The following FARS2 variants were observed in gnomAD, a reference collection of about 807,000 sequenced individuals.
FARS2 encodes phenylalanyl-tRNA synthetase 2, mitochondrial.
A neutral mutation model predicts 46.4 loss-of-function variants in FARS2; 40 were observed. The ratio of observed to expected loss-of-function variants is 0.86; its 90% CI spans 0.67 to 1.12. The LOEUF (loss-of-function observed/expected upper bound fraction) is 1.12, where lower values mean the gene tolerates loss of function less well. Among genes scored for constraint, FARS2 ranks in the 50% most tolerant of loss-of-function variants. The pLI is 0.00. For synonymous variants in FARS2, 234 were observed against 214.9 expected (o/e 1.09, Z -0.78); for missense variants, 513 against 567.9 (o/e 0.90, Z 0.98).
chr6:5,633,360 C>T (rs527792161), intron 6 of FARS2, among the ~76,000 whole-genome samples: 1 of 148,708 alleles, frequency 6.7e-6, no homozygotes, highest in Non-Finnish European at 1.5e-5. Context: ...ACTGCAACCT[C>T]CGCTTCCTGG....
At chr6:5,545,480 T>C (rs1047619966) in intron 5 of FARS2, 140 bp downstream of exon 5, 40 of 654,976 alleles carry the variant, frequency 6.1e-5, no homozygotes, top group Non-Finnish European at 9.0e-5. Context: ...CTGGGATACA[T>C]GTGCAGAACG....
chr6:5,298,900 G>A (rs1581723444), intron 1 of FARS2, among the ~76,000 whole-genome samples: 2 of 147,316 alleles, frequency 1.4e-5, no homozygotes, highest in Admixed American at 1.4e-4. Flanking sequence ...AAAATGTCTT[G>A]TCTTTTCTTA....
intron 3 of FARS2, among the ~76,000 whole-genome samples, chr6:5,419,686 T>C (rs1562026743): frequency 6.6e-6 from 1 of 152,146 alleles, no homozygotes; most frequent in Non-Finnish European, 1.5e-5. Context: ...ATCCCTAATC[T>C]TAAAGCTCCT....
chr6:5,469,766 C>T (rs1765710109), intron 4 of FARS2, among the ~76,000 whole-genome samples: 3 of 152,182 alleles, frequency 2.0e-5, no homozygotes, highest in African/African-American at 7.2e-5. Context: ...AGAGCTTTTA[C>T]AACTTTTCTT....
intron 6 of FARS2, among the ~76,000 whole-genome samples, chr6:5,626,381 G>A (rs1222629841): frequency 1.3e-5 from 2 of 152,086 alleles, no homozygotes; most frequent in Non-Finnish European, 2.9e-5. Context: ...AGGTCCCAGG[G>A]GGTGTCCACA....
At chr6:5,362,624 T>C (rs1377890429) in intron 1 of FARS2, among the ~76,000 whole-genome samples, 2 of 152,206 alleles carry the variant, frequency 1.3e-5, no homozygotes, top group Non-Finnish European at 2.9e-5. Context: ...CATATGTTAA[T>C]AGTTCTATTT....
At chr6:5,363,812 T>C (rs1459663381) in intron 1 of FARS2, among the ~76,000 whole-genome samples, 1 of 152,230 alleles carries the variant, frequency 6.6e-6, no homozygotes, top group Non-Finnish European at 1.5e-5. Flanking sequence ...CCAAGTATTC[T>C]TCTATCTTTT....
intron 1 of FARS2, among the ~76,000 whole-genome samples, chr6:5,338,328 T>A (rs977227852): frequency 6.6e-6 from 1 of 152,212 alleles, no homozygotes. Flanking sequence ...GTGCTTTTGT[T>A]TTTACTAAAG....
rs1436145048 is a variant in FARS2 at position 5,311,100 on chromosome 6, T to C, written c.-22+49440T>C. On this transcript the variant is annotated intron_variant, in intron 1 of 6. Transcript: ENST00000274680. This position sits in a 1 kb window ranked among gnomAD's most constrained non-coding sequence, Gnocchi z 4.1. The stretch of plus-strand genomic sequence containing the variant: ...CCTGGGAACAGTCAGAACACATCAA[T>C]GAGGCACTGGTTAAATAAATCATGG... Among the ~76,000 whole-genome samples, 1 of 152,222 alleles carries C rather than the reference T, an allele frequency of 6.6e-6. No individual in the cohort carries two copies. The highest frequency in any genetic ancestry group is 2.4e-5 in the African/African-American group (1 of 41,456).
At chr6:5,658,600 A>T (rs906385938) in intron 6 of FARS2, among the ~76,000 whole-genome samples, 9 of 152,190 alleles carry the variant, frequency 5.9e-5, no homozygotes, top group African/African-American at 2.2e-4. Context: ...ACAGCATTTT[A>T]TTGTCATAGC....
intron 1 of FARS2, among the ~76,000 whole-genome samples, chr6:5,362,765 G>T (rs992445872): frequency 1.3e-5 from 2 of 151,870 alleles, no homozygotes; most frequent in Non-Finnish European, 2.9e-5. Flanking sequence ...TGGTAATAGC[G>T]GTTCTAACAG....
At chr6:5,580,554 C>T (rs373748707) in intron 5 of FARS2, among the ~76,000 whole-genome samples, 10 of 152,304 alleles carry the variant, frequency 6.6e-5, no homozygotes, top group African/African-American at 2.2e-4. Flanking sequence ...CAGCAGCCCC[C>T]GTGTGTCTCT....
At chr6:5,604,784 TTA>T (rs1774737378) in intron 5 of FARS2, among the ~76,000 whole-genome samples, 1 of 152,220 alleles carries the variant, frequency 6.6e-6, no homozygotes. Flanking sequence ...TTTGTATTTT[TTA>T]ACTCCCTTAA....
intron 4 of FARS2, among the ~76,000 whole-genome samples, chr6:5,535,341 A>G (rs957040563): frequency 6.6e-6 from 1 of 152,180 alleles, no homozygotes; most frequent in African/African-American, 2.4e-5. Context: ...CAACATTTTT[A>G]TGTGTCGATT....
At chr6:5,547,368 C>T (rs2150507049) in intron 5 of FARS2, among the ~76,000 whole-genome samples, 1 of 151,508 alleles carries the variant, frequency 6.6e-6, no homozygotes, top group Non-Finnish European at 1.5e-5. Flanking sequence ...CCTGCTGCTT[C>T]ACTTGTCTTT....
chr6:5,771,270 G>A (rs1561847184), intron 6 of FARS2, 21 bp from the exon 7 acceptor site: 3 of 1,613,906 alleles, frequency 1.9e-6, no homozygotes, highest in African/African-American at 1.3e-5. Flanking sequence ...GCACTCACCT[G>A]TGTTCTCTTC....
At chr6:5,314,616 G>A (rs1053589740) in intron 1 of FARS2, among the ~76,000 whole-genome samples, 14 of 152,104 alleles carry the variant, frequency 9.2e-5, no homozygotes, top group African/African-American at 3.1e-4. Context: ...AGTTTGAGTG[G>A]GTGTTTTTTT....
At chr6:5,661,907 T>C (rs1270086583) in intron 6 of FARS2, among the ~76,000 whole-genome samples, 2 of 152,070 alleles carry the variant, frequency 1.3e-5, no homozygotes, top group Non-Finnish European at 2.9e-5. Flanking sequence ...GAGGTAACTA[T>C]ATAAGAGAGA....
intron 1 of FARS2, among the ~76,000 whole-genome samples, chr6:5,309,869 A>G (rs1768969961): frequency 6.6e-6 from 1 of 152,252 alleles, no homozygotes; most frequent in Non-Finnish European, 1.5e-5. Flanking sequence ...TCATCTGGAA[A>G]AATCAAATTG....
Sources: allele counts gnomAD v4.1 joint callset (sites outside exome capture counted in the v4.1 genomes callset), GRCh38; gene constraint gnomAD v4.1.1; non-coding constraint Gnocchi (gnomAD v3.1); transcripts MANE v1.5; gene names NCBI Gene and HGNC (gene_info 2026-07-23, HGNC 2026-07-21).